The following SGCZ variants were observed in gnomAD, a reference collection of about 807,000 sequenced individuals.
The protein encoded by SGCZ is sarcoglycan zeta.
In SGCZ, 40 loss-of-function variants were observed where a neutral mutation model predicts 41.3. The ratio of observed to expected loss-of-function variants is 0.97; its 90% CI spans 0.75 to 1.26. SGCZ has a LOEUF of 1.26. SGCZ is among the 50% of genes most tolerant of loss of function. The pLI, the probability that SGCZ is intolerant of heterozygous loss-of-function variation, is 0.00. For missense variants in SGCZ, 552 were observed against 369.8 expected (o/e 1.49, Z -4.04); for synonymous variants, 206 against 137.5 (o/e 1.50, Z -3.49).
intron 4 of SGCZ, among the ~76,000 whole-genome samples, chr8:14,235,387 C>T (rs1806719506): frequency 6.6e-6 from 1 of 152,210 alleles, no homozygotes; most frequent in South Asian, 2.1e-4. Context: ...CAACAAGCTG[C>T]TGTGTCATTA....
At chr8:15,219,221 T>G (rs1303735027) in intron 1 of SGCZ, among the ~76,000 whole-genome samples, 1 of 152,200 alleles carries the variant, frequency 6.6e-6, no homozygotes, top group East Asian at 1.9e-4. Context: ...TTCAAGTCTC[T>G]CAGGGATCAT....
At chr8:14,808,905 AAAT>A (rs1203476781) in intron 1 of SGCZ, among the ~76,000 whole-genome samples, 1 of 151,688 alleles carries the variant, frequency 6.6e-6, no homozygotes, top group Non-Finnish European at 1.5e-5. Context: ...CAGCCATAAA[AAAT>A]GATGAGTTCA....
chr8:14,983,849 A>G (rs141978715), intron 1 of SGCZ, among the ~76,000 whole-genome samples: 12 of 152,292 alleles, frequency 7.9e-5, no homozygotes, highest in African/African-American at 2.6e-4. Context: ...ACTGCATTCT[A>G]TATCTATTAT....
chr8:14,616,597 T>G (rs1806114066), intron 1 of SGCZ, among the ~76,000 whole-genome samples: 1 of 152,164 alleles, frequency 6.6e-6, no homozygotes, highest in African/African-American at 2.4e-5. Flanking sequence ...GTTCTCCAGT[T>G]TCTCTTTATA....
At chr8:14,504,290 C>T (rs1041983261) in intron 2 of SGCZ, among the ~76,000 whole-genome samples, 3 of 152,164 alleles carry the variant, frequency 2.0e-5, no homozygotes, top group Non-Finnish European at 2.9e-5. Context: ...AATGACTTCA[C>T]AAATATCTTT....
chr8:14,953,297 G>A (rs1800697843), intron 1 of SGCZ, among the ~76,000 whole-genome samples: 1 of 152,124 alleles, frequency 6.6e-6, no homozygotes, highest in African/African-American at 2.4e-5. Context: ...ACAGTCCCAA[G>A]GGGGAAGCGC....
At chr8:14,565,682 GA>G (rs2117217350) in intron 1 of SGCZ, among the ~76,000 whole-genome samples, 1 of 152,104 alleles carries the variant, frequency 6.6e-6, no homozygotes, top group East Asian at 1.9e-4. Context: ...AAACAGTAAG[GA>G]TTAACAAGAA....
intron 1 of SGCZ, among the ~76,000 whole-genome samples, chr8:14,932,780 G>A (rs1460498546): frequency 5.9e-5 from 9 of 151,922 alleles, no homozygotes; most frequent in Non-Finnish European, 1.0e-4. Context: ...AATATTTCTT[G>A]GTAACATTTT....
intron 3 of SGCZ, among the ~76,000 whole-genome samples, chr8:14,240,455 T>A (rs1042531194): frequency 6.6e-6 from 1 of 152,144 alleles, no homozygotes; most frequent in Non-Finnish European, 1.5e-5. Context: ...GTTCTGTCTC[T>A]AGCACTCTTC....
chr8:14,393,608 C>T (rs760570035), intron 2 of SGCZ, among the ~76,000 whole-genome samples: 2 of 152,160 alleles, frequency 1.3e-5, no homozygotes, highest in South Asian at 2.1e-4. Context: ...TCAGCTGGTC[C>T]TTTCCACTGA....
chr8:14,260,028 C>A (rs915342829), intron 3 of SGCZ, among the ~76,000 whole-genome samples: 2 of 152,110 alleles, frequency 1.3e-5, no homozygotes, highest in African/African-American at 4.8e-5. Flanking sequence ...AGGTCCTTCA[C>A]ATCCCTTGTA....
chr8:14,966,991 T>C (rs1205293796), intron 1 of SGCZ, among the ~76,000 whole-genome samples: 1 of 152,182 alleles, frequency 6.6e-6, no homozygotes. Context: ...TATTTATTCA[T>C]TCCTTGTACA....
At chr8:14,689,563 C>T (rs1425744784) in intron 1 of SGCZ, among the ~76,000 whole-genome samples, 1 of 152,240 alleles carries the variant, frequency 6.6e-6, no homozygotes, top group Non-Finnish European at 1.5e-5. Context: ...TTTGTTATTA[C>T]TAACATAATT....
Position 14,324,128 on chromosome 8 carries a change from T to C in SGCZ, c.311A>G (p.Tyr104Cys), listed in dbSNP as rs199633439. Reference sequence around the variant, plus strand: ...CTTTCGAGAATGAATTTCTTTCACATACAATGGAAGTAGAAACTCAGATAT... The same window carrying C: ...CTTTCGAGAATGAATTTCTTTCACACACAATGGAAGTAGAAACTCAGATAT... ...EGISEFLLPL[Y>C]VKEIHSRKDS... The change falls in exon 3 of 8, where the codon TAT (tyrosine) becomes TGT (cysteine). Residue 104 changes from tyrosine (Y) to cysteine (C), a missense_variant. Coordinates refer to ENST00000382080, the MANE Select transcript of SGCZ (RefSeq NM_139167.4). 1 of 1,612,578 alleles carries C rather than the reference T, an allele frequency of 6.2e-7. No homozygotes were observed. The highest frequency in any genetic ancestry group is 8.5e-7 in the Non-Finnish European group (1 of 1,179,170).
chr8:14,821,877 A>T (rs1447488150), intron 1 of SGCZ, among the ~76,000 whole-genome samples: 2 of 152,148 alleles, frequency 1.3e-5, no homozygotes, highest in African/African-American at 4.8e-5. Flanking sequence ...GAAAAAGTCT[A>T]CAGTTTTCAC....
chr8:14,868,484 T>A (rs1225423763), intron 1 of SGCZ, among the ~76,000 whole-genome samples: 1 of 152,132 alleles, frequency 6.6e-6, no homozygotes, highest in Non-Finnish European at 1.5e-5. Context: ...ATTTTTGTGT[T>A]ATGAATAGAG....
chr8:14,973,740 G>C (rs1374871379), intron 1 of SGCZ, among the ~76,000 whole-genome samples: 1 of 152,004 alleles, frequency 6.6e-6, no homozygotes. Flanking sequence ...TTTGATAAAG[G>C]GTATTTTTAT....
At position 15,103,217 on chromosome 8, in the gene SGCZ, A is replaced by G. The variant is rs191668406; in HGVS notation, c.39+134368T>C. ...GGAGTTTGCAACCAACCTGGCCAAC[A>G]CGGTGGAACCCCATCTCTACTAAAA... On this transcript the variant is annotated intron_variant, in intron 1 of 7. Coordinates refer to ENST00000382080, the MANE Select transcript of SGCZ (RefSeq NM_139167.4). Among the ~76,000 whole-genome samples the G allele has an allele frequency of 2.0e-5, 3 of 152,162 alleles. No individual in the cohort carries two copies. In the East Asian group the frequency reaches 5.8e-4, roughly 30 times the overall value.
In SGCZ at chr8:14,094,982, T is replaced by C. The variant is rs796527616; in HGVS notation, c.745-4345A>G. Among the ~76,000 whole-genome samples the C allele has an allele frequency of 4.5e-4, 68 of 152,226 alleles. 1 individual carries two copies. The highest frequency in any genetic ancestry group is 1.5e-3 in the African/African-American group (64 of 41,544). ...TCCTTTGCCCACTTTTTGATGGTTT[T>C]TTTTTCTTGTAACTTTAAGTTCTTT... On this transcript the variant is annotated intron_variant, in intron 7 of 7. Coordinates refer to ENST00000382080, the MANE Select transcript of SGCZ (RefSeq NM_139167.4).
Sources: gnomAD v4.1 joint callset for allele counts (sites outside exome capture counted in the v4.1 genomes callset) on GRCh38, gnomAD v4.1.1 for gene constraint, MANE v1.5 for transcripts, NCBI Gene and HGNC (gene_info 2026-07-23, HGNC 2026-07-21) for gene names.